The following TRHDE variants were observed in gnomAD, a reference collection of about 807,000 sequenced individuals.
TRHDE encodes the protein thyrotropin-releasing hormone-degrading ectoenzyme.
A neutral mutation model predicts 125.7 loss-of-function variants in TRHDE; 72 were observed. The observed-to-expected ratio is 0.57, with a 90% CI of 0.47 to 0.70. TRHDE has a LOEUF of 0.70. Among genes scored for constraint, TRHDE ranks in the 30% least tolerant of loss-of-function variants. The probability of loss-of-function intolerance (pLI) is 0.00; values close to 1 mark genes in which losing one functional copy is unlikely to be tolerated. For missense variants in TRHDE, 1,110 were observed against 1,327.1 expected, an observed-to-expected ratio of 0.84 and a Z score of 2.54; for synonymous variants, 509 against 509.1, an observed-to-expected ratio of 1.00 and a Z score of 0.00.
chr12:72,561,542 A>G (rs779879777), intron 7 of TRHDE, among the ~76,000 whole-genome samples: 1 of 152,196 alleles, frequency 6.6e-6, no homozygotes, highest in African/African-American at 2.4e-5. Flanking sequence ...ACTAATAACT[A>G]AACATTAAAA....
At chr12:72,569,511 TAAAC>T (rs949263795) in intron 10 of TRHDE, among the ~76,000 whole-genome samples, 8 of 152,148 alleles carry the variant, frequency 5.3e-5, no homozygotes, top group African/African-American at 1.7e-4. Context: ...TATAAATAAA[TAAAC>T]AAACACAGTT....
At chr12:72,637,092 T>A (rs948764123) in intron 15 of TRHDE, among the ~76,000 whole-genome samples, 1 of 152,212 alleles carries the variant, frequency 6.6e-6, no homozygotes, top group African/African-American at 2.4e-5. Flanking sequence ...CAGTTCCTCC[T>A]TGTACCTCTG....
At chr12:72,248,417 C>CA (rs34434650) in intron 2 of TRHDE, among the ~76,000 whole-genome samples, 25,304 of 55,786 alleles carry the variant, frequency 0.45, 7,096 homozygotes, top group Non-Finnish European at 0.58. Flanking sequence ...GACTCTGTCT[C>CA]AAAAAAAAAA....
chr12:72,546,682 G>A (rs1194210330), intron 7 of TRHDE, among the ~76,000 whole-genome samples: 1 of 151,492 alleles, frequency 6.6e-6, no homozygotes, highest in African/African-American at 2.4e-5. Flanking sequence ...CAAGCAGAAA[G>A]GGAATTAACA....
chr12:72,486,285 A>G (rs77479188), intron 5 of TRHDE, among the ~76,000 whole-genome samples: 150 of 152,246 alleles, frequency 9.9e-4, no homozygotes, highest in Middle Eastern at 3.4e-3. Flanking sequence ...CCCAGGTGCT[A>G]TAATAGTTAG....
chr12:72,469,893 T>C lies in TRHDE; in HGVS notation c.1451T>C (p.Val484Ala), dbSNP rs1449223536. ...TTGCTGGATGTCACCATGGTCATTG[T>C]TCATGAGATATGTCACCAGGTATGA... is the stretch of plus-strand genomic sequence containing the variant. ...SYLLDVTMVIVHEICHQWFGD... is the reference protein window; with the variant it reads ...SYLLDVTMVIAHEICHQWFGD... The change falls in exon 4 of 19, where the codon GTT becomes GCT. Residue 484 changes from valine to alanine, a missense_variant. By Grantham distance (64) the Val-to-Ala change is moderately conservative. This residue lies in a region of TRHDE where 252 missense variants were observed against 274.8 expected (regional missense o/e 0.92). Coordinates refer to ENST00000261180, the MANE Select transcript of TRHDE (RefSeq NM_013381.3). 3 of 1,613,968 alleles carry C rather than the reference T, an allele frequency of 1.9e-6. No homozygotes were observed. The African/African-American group carries it at 4.0e-5, about 22-fold the overall frequency.
At chr12:72,505,696 G>A (rs2072824626) in intron 6 of TRHDE, among the ~76,000 whole-genome samples, 1 of 152,096 alleles carries the variant, frequency 6.6e-6, no homozygotes, top group Admixed American at 6.5e-5. Context: ...GGATCATTGG[G>A]GACATAAATT....
intron 2 of TRHDE, among the ~76,000 whole-genome samples, chr12:72,137,026 G>A (rs949869997): frequency 4.6e-5 from 7 of 152,280 alleles, no homozygotes; most frequent in East Asian, 1.9e-4. Flanking sequence ...CGGCAATAGC[G>A]AGTGAAACAG....
chr12:72,537,037 T>G (rs1368919573), intron 6 of TRHDE, among the ~76,000 whole-genome samples: 1 of 152,092 alleles, frequency 6.6e-6, no homozygotes, highest in East Asian at 1.9e-4. Flanking sequence ...TTTAAATTAT[T>G]GATTTTGGAG....
chr12:72,525,412 T>G, intron 6 of TRHDE, among the ~76,000 whole-genome samples: 1 of 152,180 alleles, frequency 6.6e-6, no homozygotes, highest in Middle Eastern at 3.4e-3. Context: ...AACTAAATAA[T>G]ATATTATGAT....
intron 2 of TRHDE, among the ~76,000 whole-genome samples, chr12:72,348,216 A>G (rs544512364): frequency 6.6e-6 from 1 of 151,884 alleles, no homozygotes; most frequent in Non-Finnish European, 1.5e-5. Context: ...TGATGAGAAC[A>G]CTTACAATTT....
intron 2 of TRHDE, among the ~76,000 whole-genome samples, chr12:72,203,387 G>A (rs1270124353): frequency 6.6e-6 from 1 of 152,166 alleles, no homozygotes; most frequent in Non-Finnish European, 1.5e-5. Flanking sequence ...AGAATGGCGT[G>A]AGCCCAGGAG....
intron 6 of TRHDE, among the ~76,000 whole-genome samples, chr12:72,522,257 T>C (rs1474628040): frequency 6.6e-6 from 1 of 152,208 alleles, no homozygotes; most frequent in African/African-American, 2.4e-5. Flanking sequence ...TAGAGCACCT[T>C]ACCCATAAAA....
At chr12:72,645,705 T>C (rs924860605) in intron 15 of TRHDE, among the ~76,000 whole-genome samples, 2 of 152,164 alleles carry the variant, frequency 1.3e-5, no homozygotes, top group Non-Finnish European at 1.5e-5. Flanking sequence ...AAGAGAATTT[T>C]GAAAGCAGCA....
chr12:72,283,035 G>A (rs964134206), intron 1 of TRHDE, among the ~76,000 whole-genome samples: 1 of 152,162 alleles, frequency 6.6e-6, no homozygotes, highest in Non-Finnish European at 1.5e-5. Context: ...TCTGCTTTAG[G>A]AGAATGTAAT....
rs375208330 is a variant in TRHDE at position 72,258,603 on chromosome 12, A to G, written n.280-119392A>G. Among the ~76,000 whole-genome samples, 11 of 152,312 alleles carry G rather than the reference A, an allele frequency of 7.2e-5. No homozygotes were observed. In the East Asian group the frequency reaches 7.7e-4, roughly 11 times the overall value. ...AATTTAATAAATTTGCATGAACAGT[A>G]TGGTGGACTCCTGAATATACTTCTC... is the stretch of plus-strand genomic sequence containing the variant. On this transcript the variant is annotated intron_variant and non_coding_transcript_variant, in intron 2 of 4. Transcript: ENST00000548156.
intron 1 of TRHDE, among the ~76,000 whole-genome samples, chr12:72,280,456 C>T (rs1408919134): frequency 2.6e-5 from 4 of 152,110 alleles, no homozygotes; most frequent in Non-Finnish European, 5.9e-5. Context: ...TCACCGTGGA[C>T]ATCCCTTTGG....
At chr12:72,621,857 AC>A (rs1192586527) in intron 15 of TRHDE, 106 bp downstream of exon 15, 2 of 841,092 alleles carry the variant, frequency 2.4e-6, no homozygotes, top group African/African-American at 3.6e-5. Context: ...ATAAGGAAAA[AC>A]AAAAGCATGC....
At chr12:72,325,751 G>A (rs1869310844) in intron 2 of TRHDE, among the ~76,000 whole-genome samples, 1 of 152,076 alleles carries the variant, frequency 6.6e-6, no homozygotes, top group Non-Finnish European at 1.5e-5. Context: ...TTTGAAATGA[G>A]GAACTATTTA....
Sources: gnomAD v4.1 joint callset for allele counts (sites outside exome capture counted in the v4.1 genomes callset) on GRCh38, gnomAD v4.1.1 for gene constraint, gnomAD v4.1.1 regional missense constraint, MANE v1.5 for transcripts, NCBI Gene and HGNC (gene_info 2026-07-23, HGNC 2026-07-21) for gene names.